AQR: variants seen among roughly 807,000 people sequenced by gnomAD.
AQR encodes the protein RNA helicase aquarius.
Under a neutral mutation model 180.5 loss-of-function variants are expected in AQR, and 61 were observed. That is an observed-to-expected ratio of 0.34 (90% CI 0.28 to 0.42). AQR has a LOEUF of 0.42. Among genes scored for constraint, AQR ranks in the 10% least tolerant of loss-of-function variants. AQR has a pLI of 1.00. For synonymous variants in AQR, 551 were observed against 588.8 expected (o/e 0.94, Z 0.93); for missense variants, 1,281 against 1,798.3 (o/e 0.71, Z 5.20).
intron 19 of AQR, among the ~76,000 whole-genome samples, chr15:34,903,573 G>T (rs1893366342): frequency 6.6e-6 from 1 of 151,996 alleles, no homozygotes; most frequent in Non-Finnish European, 1.5e-5. Context: ...TCAACAACAG[G>T]GAGAGATGAA....
intron 18 of AQR, among the ~76,000 whole-genome samples, chr15:34,905,705 T>C (rs1045939223): frequency 2.0e-5 from 3 of 152,080 alleles, no homozygotes; most frequent in African/African-American, 7.2e-5. Flanking sequence ...AAATATATCA[T>C]TGAACACAAA....
intron 6 of AQR, chr15:34,943,030 G>A: frequency 6.4e-7 from 1 of 1,570,228 alleles, no homozygotes; most frequent in Non-Finnish European, 8.7e-7. Context: ...GTTCTGTTTA[G>A]TTTAATAAAT....
intron 5 of AQR, among the ~76,000 whole-genome samples, chr15:34,945,294 C>T (rs1231831402): frequency 6.6e-6 from 1 of 152,034 alleles, no homozygotes; most frequent in Non-Finnish European, 1.5e-5. Context: ...GTTTTGTATC[C>T]TCCAAATTAT....
At chr15:34,888,129 C>G (rs1411219557) in intron 24 of AQR, among the ~76,000 whole-genome samples, 1 of 151,794 alleles carries the variant, frequency 6.6e-6, no homozygotes, top group Non-Finnish European at 1.5e-5. Context: ...AAAACCCCGT[C>G]TCTACTAAAA....
intron 12 of AQR, 121 bp from the exon 13 acceptor site, chr15:34,927,259 C>A: frequency 2.1e-6 from 1 of 477,746 alleles, no homozygotes; most frequent in Non-Finnish European, 3.4e-6. Flanking sequence ...TTATATGCTT[C>A]TTTTATGTGA....
At chr15:34,857,728 G>A (rs555686670) in intron 34 of AQR, among the ~76,000 whole-genome samples, 2 of 151,934 alleles carry the variant, frequency 1.3e-5, no homozygotes, top group East Asian at 3.9e-4. Context: ...TCCAGCCTGG[G>A]TGACAGAGAG....
intron 10 of AQR, among the ~76,000 whole-genome samples, chr15:34,933,797 C>G (rs530827868): frequency 6.6e-6 from 1 of 152,208 alleles, no homozygotes; most frequent in African/African-American, 2.4e-5. Context: ...CAAAGTAAAA[C>G]CAGTTTGAGG....
chr15:34,918,174 G>A, intron 15 of AQR, 84 bp downstream of exon 15: 1 of 1,443,906 alleles, frequency 6.9e-7, no homozygotes, highest in Non-Finnish European at 9.5e-7. Flanking sequence ...GTAGACTCAA[G>A]TACACTGCCT....
At chr15:34,945,029 T>G (rs1188138717) in intron 5 of AQR, among the ~76,000 whole-genome samples, 2 of 152,210 alleles carry the variant, frequency 1.3e-5, no homozygotes, top group African/African-American at 4.8e-5. Context: ...GGACCCTTAT[T>G]AACTCTCAAC....
intron 34 of AQR, among the ~76,000 whole-genome samples, chr15:34,857,527 A>G (rs994208150): frequency 3.9e-5 from 6 of 152,076 alleles, no homozygotes; most frequent in Admixed American, 2.6e-4. Flanking sequence ...AGGCAGGCGG[A>G]TCACTTGAGG....
intron 24 of AQR, among the ~76,000 whole-genome samples, chr15:34,887,829 G>T (rs1893085412): frequency 6.6e-6 from 1 of 152,198 alleles, no homozygotes; most frequent in South Asian, 2.1e-4. Flanking sequence ...CATGATCTAT[G>T]CTTGAAGAAT....
intron 24 of AQR, among the ~76,000 whole-genome samples, chr15:34,890,002 G>GTATATTTGAAGACAAAATGGCA (rs2140470939): frequency 6.6e-6 from 1 of 152,234 alleles, no homozygotes; most frequent in South Asian, 2.1e-4. Context: ...TAACATAATT[G>GTATATTTGAAGACAAAATGGCA]TATATTTGAA....
rs1303179049 is a variant in AQR at position 34,969,583 on chromosome 15, C to G, written c.31G>C (p.Val11Leu). 2 of 1,613,680 alleles carry G rather than the reference C, an allele frequency of 1.2e-6. No individual in the cohort carries two copies. Among genetic ancestry groups the G allele is most frequent in the Non-Finnish European group, 1.7e-6 (2 of 1,180,020 alleles). ...TTGATTTGGGACACCGTAGGGGCCA[C>G]GATCTTCTTGGGCTGCGCAGGGGCT... is the stretch of plus-strand genomic sequence containing the variant. Reference protein sequence around the residue: MAAPAQPKKIVAPTVSQINAE... With the variant: MAAPAQPKKILAPTVSQINAE... Residue 11 changes from valine (V) to leucine (L), a missense_variant, in exon 1 of 35, where the codon GTG becomes CTG. This residue lies in a region of AQR where 404 missense variants were observed against 490.9 expected (regional missense o/e 0.82). Coordinates refer to ENST00000156471, the MANE Select transcript of AQR (RefSeq NM_014691.3).
chr15:34,933,192 C>T (rs1566992219), intron 10 of AQR, among the ~76,000 whole-genome samples: 1 of 152,114 alleles, frequency 6.6e-6, no homozygotes, highest in Non-Finnish European at 1.5e-5. Context: ...ATCAAATATC[C>T]TCATTTTATA....
chr15:34,929,936 G>A (rs2140491246), intron 12 of AQR, among the ~76,000 whole-genome samples: 1 of 152,142 alleles, frequency 6.6e-6, no homozygotes, highest in Non-Finnish European at 1.5e-5. Context: ...GTGCAAAATG[G>A]TTACGCACCC....
At chr15:34,867,764 C>T (rs1186053525) in intron 31 of AQR, 155 bp from the exon 32 acceptor site, 3 of 598,022 alleles carry the variant, frequency 5.0e-6, no homozygotes, top group Non-Finnish European at 8.8e-6. Context: ...AGTTAATGAA[C>T]ATTATTAAAG....
intron 17 of AQR, among the ~76,000 whole-genome samples, chr15:34,909,093 G>A (rs1048751540): frequency 3.9e-5 from 6 of 152,204 alleles, no homozygotes; most frequent in Admixed American, 3.9e-4. Flanking sequence ...CATTTGGCTA[G>A]CTTTGTTGCT....
At chr15:34,946,774 C>T (rs969955944) in intron 5 of AQR, among the ~76,000 whole-genome samples, 12 of 149,690 alleles carry the variant, frequency 8.0e-5, no homozygotes, top group African/African-American at 3.0e-4. Flanking sequence ...GGTCAGCCCC[C>T]CGCCCGGCCA....
chr15:34,873,720 G>A, intron 30 of AQR, 108 bp downstream of exon 30: 5 of 942,062 alleles, frequency 5.3e-6, no homozygotes, highest in Non-Finnish European at 7.7e-6. Flanking sequence ...GTAAGGTGGG[G>A]TTCCAACTTT....
Sources: allele counts gnomAD v4.1 joint callset (sites outside exome capture counted in the v4.1 genomes callset), GRCh38; gene constraint gnomAD v4.1.1; regional missense constraint gnomAD v4.1.1; transcripts MANE v1.5; gene names NCBI Gene and HGNC (gene_info 2026-07-23, HGNC 2026-07-21).